Variants in SLC1A2 observed in about 807,000 individuals in gnomAD.
SLC1A2 encodes excitatory amino acid transporter 2.
Under a neutral mutation model 48.8 loss-of-function variants are expected in SLC1A2, and 15 were observed. The ratio of observed to expected loss-of-function variants is 0.31; its 90% confidence interval spans 0.21 to 0.47. SLC1A2 has a LOEUF of 0.47. SLC1A2 is among the 20% of genes least tolerant of loss of function. The pLI, the probability that SLC1A2 is intolerant of heterozygous loss-of-function variation, is 0.99. For synonymous variants in SLC1A2, 279 were observed against 272.6 expected, an observed-to-expected ratio of 1.02 and a Z score of -0.23; for missense variants, 502 against 730.5, an observed-to-expected ratio of 0.69 and a Z score of 3.61.
chr11:35,269,799 G>C (rs1284981736), intron 9 of SLC1A2, among the ~76,000 whole-genome samples: 2 of 152,170 alleles, frequency 1.3e-5, no homozygotes, highest in Admixed American at 6.5e-5. Flanking sequence ...ATGGATGGAA[G>C]ACAGAGTTGT....
chr11:35,396,986 T>A (rs924274627), intron 1 of SLC1A2, among the ~76,000 whole-genome samples: 6 of 150,294 alleles, frequency 4.0e-5, no homozygotes, highest in African/African-American at 1.5e-4. Context: ...GTGAAGGACC[T>A]CTTCAAGGAG....
intron 1 of SLC1A2, among the ~76,000 whole-genome samples, chr11:35,356,168 G>A (rs1468339274): frequency 1.3e-5 from 2 of 152,206 alleles, no homozygotes; most frequent in Non-Finnish European, 2.9e-5. Flanking sequence ...CACTTTGAGA[G>A]TTCCTGAATG....
chr11:35,337,405 AAC>A (rs1279555650), intron 1 of SLC1A2, among the ~76,000 whole-genome samples: 1 of 152,188 alleles, frequency 6.6e-6, no homozygotes, highest in Non-Finnish European at 1.5e-5. Flanking sequence ...CTTTGTGTAA[AAC>A]AGACATCTGA....
chr11:35,357,206 G>A (rs969336258), intron 1 of SLC1A2, among the ~76,000 whole-genome samples: 4 of 150,274 alleles, frequency 2.7e-5, no homozygotes, highest in African/African-American at 4.9e-5. Context: ...GTAGTGAGTC[G>A]AGATCGTGCC....
chr11:35,411,744 T>C (rs759944068), intron 1 of SLC1A2, among the ~76,000 whole-genome samples: 6 of 152,234 alleles, frequency 3.9e-5, no homozygotes, highest in Non-Finnish European at 5.9e-5. Context: ...TCTCCCTTCA[T>C]GTACTACTAC....
chr11:35,287,512 A>C (rs1321872530), intron 7 of SLC1A2, among the ~76,000 whole-genome samples: 4 of 152,224 alleles, frequency 2.6e-5, no homozygotes, highest in Non-Finnish European at 5.9e-5. Context: ...CCTGAGCTTC[A>C]AGCAATTCAC....
chr11:35,355,972 G>C (rs1343482824), intron 1 of SLC1A2, among the ~76,000 whole-genome samples: 1 of 151,858 alleles, frequency 6.6e-6, no homozygotes, highest in African/African-American at 2.4e-5. Flanking sequence ...TCATATGTAA[G>C]GCACAGCAGA....
At chr11:35,371,675 T>C (rs558608851) in intron 1 of SLC1A2, among the ~76,000 whole-genome samples, 18 of 151,960 alleles carry the variant, frequency 1.2e-4, no homozygotes, top group African/African-American at 4.3e-4. Context: ...CAGTCAGAAG[T>C]ACAATTAGCT....
At position 35,306,176 on chromosome 11, in the gene SLC1A2, C is replaced by T. The variant is rs377377102; in HGVS notation, c.628G>A (p.Ala210Thr). Residue 210 changes from alanine (A) to threonine (T), a missense_variant, in exon 5 of 11, where the codon GCT becomes ACT. Physicochemically the swap from Ala to Thr is moderately conservative, Grantham distance 58 (BLOSUM62 0). This residue lies in a region of SLC1A2 where 309 missense variants were observed against 480.3 expected (regional missense o/e 0.64). Coordinates refer to ENST00000278379, the MANE Select transcript of SLC1A2 (RefSeq NM_004171.4). ...PPDEEANATS[A>T]VVSLLNETVT... Reference sequence around the variant, plus strand: ...GTCTCGTTCAACAGAGAGACAACAGCGCTGGTTGCGTTGGCCTCCTCGTCC... The same window carrying T: ...GTCTCGTTCAACAGAGAGACAACAGTGCTGGTTGCGTTGGCCTCCTCGTCC... 3 of 1,613,860 alleles carry T rather than the reference C, an allele frequency of 1.9e-6. No individual in the cohort carries two copies. The highest frequency in any genetic ancestry group is 2.5e-6 in the Non-Finnish European group (3 of 1,179,916).
At chr11:35,294,890 G>T (rs1244926937) in intron 6 of SLC1A2, among the ~76,000 whole-genome samples, 1 of 152,070 alleles carries the variant, frequency 6.6e-6, no homozygotes, top group Non-Finnish European at 1.5e-5. Flanking sequence ...GAAGTGTTAG[G>T]GTTTATAAAT....
At chr11:35,370,235 G>C (rs183651185) in intron 1 of SLC1A2, among the ~76,000 whole-genome samples, 40 of 152,294 alleles carry the variant, frequency 2.6e-4, no homozygotes, top group Admixed American at 4.6e-4. Flanking sequence ...AACAGGCTTG[G>C]CCTTGCTGAA....
intron 1 of SLC1A2, among the ~76,000 whole-genome samples, chr11:35,406,736 A>G (rs2135286172): frequency 6.6e-6 from 1 of 152,248 alleles, no homozygotes; most frequent in East Asian, 1.9e-4. Flanking sequence ...GGTACAGATG[A>G]GTTTGTAGGG....
At chr11:35,369,510 A>G (rs1010085927) in intron 1 of SLC1A2, among the ~76,000 whole-genome samples, 2 of 152,234 alleles carry the variant, frequency 1.3e-5, no homozygotes, top group African/African-American at 4.8e-5. Flanking sequence ...GAGGTTGGAA[A>G]TAAAAAGCCA....
Position 35,260,809 on chromosome 11 carries a change from C to G in SLC1A2, c.*85G>C. ...ACATAGAAATATACGCATTTTTTTCCTTTTTAAAGAAAGCTTGTTTATATC... is the reference window on the plus strand; with the variant it reads ...ACATAGAAATATACGCATTTTTTTCGTTTTTAAAGAAAGCTTGTTTATATC... On this transcript the variant is annotated 3_prime_UTR_variant, in exon 11 of 11. Coordinates refer to ENST00000278379, the MANE Select transcript of SLC1A2 (RefSeq NM_004171.4). 9.8e-7 allele frequency: 1 copy of G among 1,021,542 alleles called. No individual in the cohort carries two copies. Among genetic ancestry groups the G allele is most frequent in the Non-Finnish European group, 1.5e-6 (1 of 652,140 alleles). 63.3% of individuals were successfully genotyped at this position (1,021,542 alleles called of 1,614,324 possible).
At position 35,254,910 on chromosome 11, in the gene SLC1A2, A is replaced by G; in HGVS notation, c.*5984T>C. Reference sequence around the variant, plus strand: ...TGGACATAGAAAAAAACTGATCAGTAGTTATTCAGGATATTATTTAGGATA... The same window carrying G: ...TGGACATAGAAAAAAACTGATCAGTGGTTATTCAGGATATTATTTAGGATA... On this transcript the variant is annotated 3_prime_UTR_variant, in exon 11 of 11. Coordinates refer to ENST00000278379, the MANE Select transcript of SLC1A2 (RefSeq NM_004171.4). 2 of 412,086 alleles carry G rather than the reference A, an allele frequency of 4.9e-6. No individual in the cohort carries two copies. The highest frequency in any genetic ancestry group is 5.8e-5 in the Admixed American group (2 of 34,310). 25.5% of individuals were successfully genotyped at this position (412,086 alleles called of 1,614,324 possible). A position where few individuals can be genotyped will look rare whatever the true frequency, so the allele number is the denominator to read the frequency against.
intron 6 of SLC1A2, among the ~76,000 whole-genome samples, chr11:35,300,165 T>C (rs1281225061): frequency 6.6e-6 from 1 of 152,194 alleles, no homozygotes; most frequent in African/African-American, 2.4e-5. Context: ...ACAATATTGC[T>C]TAGACGATCC....
At chr11:35,411,456 TTA>T (rs1175814014) in intron 1 of SLC1A2, among the ~76,000 whole-genome samples, 1 of 152,228 alleles carries the variant, frequency 6.6e-6, no homozygotes, top group Non-Finnish European at 1.5e-5. Flanking sequence ...ATTAATTTTT[TTA>T]GAGACAGGAT....
intron 1 of SLC1A2, among the ~76,000 whole-genome samples, chr11:35,399,983 T>C (rs1396654480): frequency 1.3e-5 from 2 of 152,162 alleles, no homozygotes; most frequent in African/African-American, 4.8e-5. Context: ...TGCCATGTAA[T>C]GAGGAATTCA....
intron 4 of SLC1A2, among the ~76,000 whole-genome samples, chr11:35,306,555 G>A (rs1478722287): frequency 1.3e-5 from 2 of 152,124 alleles, no homozygotes. Flanking sequence ...GGGCATTTAA[G>A]GTGTCTAACA....
Sources: allele counts gnomAD v4.1 joint callset (sites outside exome capture counted in the v4.1 genomes callset), GRCh38; gene constraint gnomAD v4.1.1; regional missense constraint gnomAD v4.1.1; transcripts MANE v1.5; gene names NCBI Gene and HGNC (gene_info 2026-07-23, HGNC 2026-07-21).